The following TMEM94 variants were observed in gnomAD, a reference collection of about 807,000 sequenced individuals.
TMEM94 encodes the protein transmembrane protein 94, also known as ER Mg2+ ATPase.
TMEM94 carries 81 observed loss-of-function variants against 158.6 expected under a neutral mutation model. The ratio of observed to expected loss-of-function variants is 0.51; its 90% CI spans 0.43 to 0.61. The LOEUF (loss-of-function observed/expected upper bound fraction) is 0.61, where lower values mean the gene tolerates loss of function less well. Among genes scored for constraint, TMEM94 ranks in the 20% least tolerant of loss-of-function variants. The pLI is 0.00. For synonymous variants in TMEM94, 751 were observed against 730.7 expected (o/e 1.03, Z -0.45); for missense variants, 1,435 against 1,762.0 (o/e 0.81, Z 3.32).
In TMEM94 at chr17:75,491,772, C is replaced by A. The variant is rs2052212458; in HGVS notation, c.1468C>A (p.Pro490Thr). Residue 490 changes from proline (P) to threonine (T), a missense_variant, in exon 14 of 32, where the codon CCT becomes ACT. Coordinates refer to ENST00000314256, the MANE Select transcript of TMEM94 (RefSeq NM_014738.6). This position sits in a 1 kb window ranked among gnomAD's most constrained non-coding sequence, Gnocchi z 5.1. ...CAATGAGCAGGAGCGTGGCGACTGGCCTGGCGAGGCTCCCAAGCCCCCCGA... is the reference window on the plus strand; with the variant it reads ...CAATGAGCAGGAGCGTGGCGACTGGACTGGCGAGGCTCCCAAGCCCCCCGA... ...LSNEQERGDW[P>T]GEAPKPPEPY... 3 of 1,613,946 alleles carry A rather than the reference C, an allele frequency of 1.9e-6. No individual in the cohort carries two copies. The highest frequency in any genetic ancestry group is 3.3e-5 in the Admixed American group (2 of 60,010).
Position 75,498,334 on chromosome 17 carries a change from G to A in TMEM94, c.3638+11G>A, listed in dbSNP as rs200721628. 32 of 1,612,744 alleles carry A rather than the reference G, an allele frequency of 2.0e-5. No individual in the cohort carries two copies. The highest frequency in any genetic ancestry group is 5.1e-6 in the Non-Finnish European group (6 of 1,180,002). On this transcript the variant is annotated intron_variant, in intron 28 of 31. Coordinates refer to ENST00000314256, the MANE Select transcript of TMEM94 (RefSeq NM_014738.6). This position sits in a 1 kb window ranked among gnomAD's most constrained non-coding sequence, Gnocchi z 6.7. ...CGTCATGCTGCCCAGGTGGGTCCCAGCCCCAGAGATCCACCCATCGCCTGC... is the reference window on the plus strand; with the variant it reads ...CGTCATGCTGCCCAGGTGGGTCCCAACCCCAGAGATCCACCCATCGCCTGC...
chr17:75,471,859 C>T lies in TMEM94; in HGVS notation c.-47C>T. Reference sequence around the variant, plus strand: ...ACATGCTGGGGAGGAGCCTTCCTTTCAGGGGTGACCACATTCATCTGGGCA... The same window carrying T: ...ACATGCTGGGGAGGAGCCTTCCTTTTAGGGGTGACCACATTCATCTGGGCA... On this transcript the variant is annotated 5_prime_UTR_variant, in exon 2 of 32. Coordinates refer to ENST00000314256, the MANE Select transcript of TMEM94 (RefSeq NM_014738.6). 6.2e-7 allele frequency: 1 copy of T among 1,610,962 alleles called. No homozygotes were observed. Among genetic ancestry groups the T allele is most frequent in the Non-Finnish European group, 8.5e-7 (1 of 1,177,436 alleles).
intron 2 of TMEM94, among the ~76,000 whole-genome samples, chr17:75,477,524 C>T (rs1286261093): frequency 6.6e-6 from 1 of 152,060 alleles, no homozygotes; most frequent in Non-Finnish European, 1.5e-5. Flanking sequence ...GCTGGGGTTA[C>T]AGGCATGAGC....
intron 2 of TMEM94, among the ~76,000 whole-genome samples, chr17:75,480,235 A>G (rs974975011): frequency 1.3e-5 from 2 of 152,256 alleles, no homozygotes; most frequent in Admixed American, 1.3e-4. Flanking sequence ...ACTGGCCCAG[A>G]ACGCTGGGTC....
intron 18 of TMEM94, among the ~76,000 whole-genome samples, chr17:75,494,221 G>A (rs1157199553): frequency 2.0e-5 from 3 of 152,220 alleles, no homozygotes; most frequent in Non-Finnish European, 4.4e-5. Flanking sequence ...AGAGCATTAG[G>A]CTTAGTAGGA....
In TMEM94 at chr17:75,491,434, C is replaced by A; in HGVS notation, c.1365C>A (p.Thr455=). ...SHEDLTDGLS[T]RSFCHPEPHE... ...AGGACCTCACCGATGGCCTATCCAC[C>A]CGCTCCTTCTGCCATCCCGAGGTAG... The change falls in exon 13 of 32, where the codon ACC becomes ACA. Residue 455 remains threonine (T), a synonymous_variant. Transcript: ENST00000314256. The surrounding 1 kb of genome is among the most constrained non-coding windows in gnomAD (Gnocchi z 5.1). 6.2e-7 allele frequency: 1 copy of A among 1,614,146 alleles called. No individual in the cohort carries two copies. Among genetic ancestry groups the A allele is most frequent in the Non-Finnish European group, 8.5e-7 (1 of 1,180,032 alleles).
In TMEM94 at chr17:75,493,546, A is replaced by G. The variant is rs2052406684; in HGVS notation, c.2142A>G (p.Thr714=). The change falls in exon 17 of 32, where the codon ACA becomes ACG. Residue 714 remains threonine, a synonymous_variant. Transcript: ENST00000314256. ...GTADVVLEAC[T]DFWDGADIYP... ...CTGATGTGGTCTTAGAGGCCTGCAC[A>G]GACTTCTGGGACGGAGCTGACATCT... 1.9e-6 allele frequency: 3 copies of G among 1,613,950 alleles called. No individual in the cohort carries two copies. Among genetic ancestry groups the G allele is most frequent in the South Asian group, 1.1e-5 (1 of 91,086 alleles).
At chr17:75,490,437 C>T in intron 10 of TMEM94, 87 bp downstream of exon 10, 1 of 1,463,798 alleles carries the variant, frequency 6.8e-7, no homozygotes, top group South Asian at 1.3e-5. Flanking sequence ...GAAGTCCAGC[C>T]CCACCTTGGG....
rs1567906918 is a variant in TMEM94 at position 75,464,664 on chromosome 17, CTTCCTTCCTTCCTTCT to C, written c.-106-7132_-106-7117del. Among the ~76,000 whole-genome samples the C allele has an allele frequency of 2.4e-3, 262 of 107,906 alleles. 1 individual carries two copies. Among genetic ancestry groups the C allele is most frequent in the Middle Eastern group, 0.013 (3 of 232 alleles). 70.8% of individuals were successfully genotyped at this position (107,906 alleles called of 152,430 possible). A position where few individuals can be genotyped will look rare whatever the true frequency, so the allele number is the denominator to read the frequency against. On this transcript the variant is annotated intron_variant, in intron 1 of 31. Transcript: ENST00000314256. Reference sequence around the variant, plus strand: ...CCTTCCTTCCTTCCTTCCTTCCTTCCTTCCTTCCTTCCTTCTTTCTTTCTTTCTTTCTTTCTTTCTT... The same window carrying C: ...CCTTCCTTCCTTCCTTCCTTCCTTCCTTCTTTCTTTCTTTCTTTCTTTCTT...
At chr17:75,497,698 A>G (rs2052857767) in intron 26 of TMEM94, 83 bp from the exon 27 acceptor site, 1 of 1,152,158 alleles carries the variant, frequency 8.7e-7, no homozygotes, top group African/African-American at 1.5e-5. Context: ...CTCACGCGCA[A>G]GACTCCCTAG....
Position 75,495,518 on chromosome 17 carries a change from G to A in TMEM94, c.2845-26G>A, listed in dbSNP as rs754872041. On this transcript the variant is annotated intron_variant, in intron 21 of 31. Transcript: ENST00000314256. This position sits in a 1 kb window ranked among gnomAD's most constrained non-coding sequence, Gnocchi z 5.6. ...GAGGGATGCTGATCCCCATCCCGAA[G>A]CCGCTGGCATCTCTGCTTTCTCCAG... 7 of 1,611,612 alleles carry A rather than the reference G, an allele frequency of 4.3e-6. No individual in the cohort carries two copies. In the South Asian group the frequency reaches 6.6e-5, roughly 15 times the overall value.
At position 75,495,835 on chromosome 17, in the gene TMEM94, CG is replaced by C; in HGVS notation, c.2945-126del. 2 of 802,808 alleles carry C rather than the reference CG, an allele frequency of 2.5e-6. No individual in the cohort carries two copies. Among genetic ancestry groups the C allele is most frequent in the South Asian group, 1.7e-5 (1 of 60,406 alleles). The allele number at this position is 802,808 out of a possible 1,614,324, so 49.7% of individuals were successfully genotyped here. A position where few individuals can be genotyped will look rare whatever the true frequency, so the allele number is the denominator to read the frequency against. On this transcript the variant is annotated intron_variant, in intron 22 of 31. Transcript: ENST00000314256. The surrounding 1 kb of genome is among the most constrained non-coding windows in gnomAD (Gnocchi z 5.6). ...GCCGATGTTCACATGATCCCGCTGC[CG>C]GGGGTGGGATTGTTTCAAAGAGGGG...
intron 2 of TMEM94, among the ~76,000 whole-genome samples, chr17:75,480,877 G>A (rs1379701514): frequency 6.6e-6 from 1 of 152,178 alleles, no homozygotes; most frequent in African/African-American, 2.4e-5. Flanking sequence ...GATCATGTCT[G>A]GAGGCCTGGC....
At chr17:75,465,679 A>ATATATATATATATATTTT (rs1247855961) in intron 1 of TMEM94, among the ~76,000 whole-genome samples, 2 of 124,842 alleles carry the variant, frequency 1.6e-5, no homozygotes, top group Non-Finnish European at 3.2e-5. Context: ...ATATATATAT[A>ATATATATATATATATTTT]TTTTTTTTTA....
chr17:75,486,206 T>G, intron 4 of TMEM94, 84 bp from the exon 5 acceptor site: 1 of 1,572,180 alleles, frequency 6.4e-7, no homozygotes, highest in East Asian at 2.2e-5. Flanking sequence ...GGGACTGGGG[T>G]GGGAAGGGGA....
At chr17:75,493,134 C>T (rs140414917) in intron 16 of TMEM94, 32 bp downstream of exon 16, 8 of 1,602,238 alleles carry the variant, frequency 5.0e-6, no homozygotes, top group African/African-American at 2.7e-5. Context: ...CAGCACCAGG[C>T]GAGACCTTCC....
rs2052286272 is a variant in TMEM94, at chr17:75,492,404, G to A, written c.1597-70G>A. ...CAGGAGCCCTCCCCAGCCTTGGGAG[G>A]TGGGCAGAGCCAGTGCTGGCTTCCC... On this transcript the variant is annotated intron_variant, in intron 14 of 31. Transcript: ENST00000314256. The surrounding 1 kb of genome is among the most constrained non-coding windows in gnomAD (Gnocchi z 4.4). The A allele has an allele frequency of 2.0e-6, 3 of 1,505,796 alleles. No individual in the cohort carries two copies. Among genetic ancestry groups the A allele is most frequent in the South Asian group, 1.3e-5 (1 of 74,526 alleles). The allele number at this position is 1,505,796 out of a possible 1,614,324, so 93.3% of individuals were successfully genotyped here. A position where few individuals can be genotyped will look rare whatever the true frequency, so the allele number is the denominator to read the frequency against.
chr17:75,468,191 A>C (rs969331638), intron 1 of TMEM94, among the ~76,000 whole-genome samples: 6 of 152,180 alleles, frequency 3.9e-5, no homozygotes, highest in Non-Finnish European at 5.9e-5. Context: ...CTGGCCCTTT[A>C]AAGACCCTGC....
rs1206049471 is a variant in TMEM94, at chr17:75,498,413, G to C, written c.3639-31G>C. 6.2e-7 allele frequency: 1 copy of C among 1,604,856 alleles called. No individual in the cohort carries two copies. The highest frequency in any genetic ancestry group is 1.7e-5 in the Admixed American group (1 of 59,670). On this transcript the variant is annotated intron_variant, in intron 28 of 31. Coordinates refer to ENST00000314256, the MANE Select transcript of TMEM94 (RefSeq NM_014738.6). The surrounding 1 kb of genome is among the most constrained non-coding windows in gnomAD (Gnocchi z 6.7). ...CCCAGCCTACCTCCCTGCGGCCCTAGAGGGGCTGAGCCCATGCCTCACTTT... is the reference window on the plus strand; with the variant it reads ...CCCAGCCTACCTCCCTGCGGCCCTACAGGGGCTGAGCCCATGCCTCACTTT...
Sources: allele counts gnomAD v4.1 joint callset (sites outside exome capture counted in the v4.1 genomes callset), GRCh38; gene constraint gnomAD v4.1.1; non-coding constraint Gnocchi (gnomAD v3.1); transcripts MANE v1.5; gene names NCBI Gene and HGNC (gene_info 2026-07-23, HGNC 2026-07-21).